Variants in SBF2 observed in about 807,000 individuals in gnomAD.
The protein encoded by SBF2 is myotubularin-related protein 13.
A neutral mutation model predicts 225.2 loss-of-function variants in SBF2; 112 were observed. The ratio of observed to expected loss-of-function variants is 0.50; its 90% CI spans 0.43 to 0.58. SBF2 has a LOEUF of 0.58. Ranked by LOEUF, SBF2 falls within the 20% of genes least tolerant of loss-of-function variation. The pLI, the probability that SBF2 is intolerant of heterozygous loss-of-function variation, is 0.00. For missense variants in SBF2, 1,996 were observed against 2,206.2 expected (o/e 0.90, Z 1.91); for synonymous variants, 763 against 773.3 (o/e 0.99, Z 0.22).
chr11:9,784,152 C>T (rs1205274643), intron 38 of SBF2, among the ~76,000 whole-genome samples, 199 bp downstream of exon 38: 1 of 152,164 alleles, frequency 6.6e-6, no homozygotes, highest in Non-Finnish European at 1.5e-5. Flanking sequence ...GGCCGAGCTA[C>T]TTGGGAAACT....
intron 6 of SBF2, among the ~76,000 whole-genome samples, chr11:10,009,671 T>C (rs1013219609): frequency 2.0e-5 from 3 of 152,250 alleles, no homozygotes; most frequent in East Asian, 3.8e-4. Flanking sequence ...GATGGACATT[T>C]GGGTGGGTTC....
At chr11:10,072,374 C>T (rs1950916959) in intron 2 of SBF2, among the ~76,000 whole-genome samples, 1 of 152,134 alleles carries the variant, frequency 6.6e-6, no homozygotes, top group Non-Finnish European at 1.5e-5. Flanking sequence ...TTCAAAATCT[C>T]TCAGGCCCAA....
At chr11:10,113,552 C>T (rs1952981020) in intron 2 of SBF2, among the ~76,000 whole-genome samples, 1 of 151,850 alleles carries the variant, frequency 6.6e-6, no homozygotes, top group African/African-American at 2.4e-5. Flanking sequence ...TTATTGAGAG[C>T]CTAACACATG....
At chr11:10,046,112 T>C (rs1949849982) in intron 2 of SBF2, among the ~76,000 whole-genome samples, 1 of 152,216 alleles carries the variant, frequency 6.6e-6, no homozygotes, top group African/African-American at 2.4e-5. Context: ...ATGGGTTATA[T>C]GCACATACCA....
intron 1 of SBF2, among the ~76,000 whole-genome samples, chr11:10,225,641 G>C (rs1958510435): frequency 6.6e-6 from 1 of 152,034 alleles, no homozygotes; most frequent in South Asian, 2.1e-4. Context: ...TGGGTTTTTT[G>C]CCTTCATTTA....
At chr11:10,008,565 T>C (rs1223948513) in intron 6 of SBF2, among the ~76,000 whole-genome samples, 1 of 148,564 alleles carries the variant, frequency 6.7e-6, no homozygotes, top group Non-Finnish European at 1.5e-5. Flanking sequence ...CTCCCTCCAA[T>C]TTGCCCTAGG....
chr11:10,229,328 C>G (rs904661949), intron 1 of SBF2, among the ~76,000 whole-genome samples: 1 of 151,442 alleles, frequency 6.6e-6, no homozygotes, highest in Non-Finnish European at 1.5e-5. Context: ...CAGTTCTGCT[C>G]TCTTAGTTAT....
At chr11:10,172,507 G>A (rs565424952) in intron 2 of SBF2, among the ~76,000 whole-genome samples, 70 of 149,792 alleles carry the variant, frequency 4.7e-4, no homozygotes, top group African/African-American at 1.6e-3. Context: ...ACCTGCCACC[G>A]CGCCCGGCTA....
intron 16 of SBF2, among the ~76,000 whole-genome samples, chr11:9,945,198 C>T (rs1040012019): frequency 1.1e-4 from 16 of 152,098 alleles, no homozygotes; most frequent in Admixed American, 2.0e-4. Context: ...TCAAACTATA[C>T]CACAAAACTA....
intron 17 of SBF2, among the ~76,000 whole-genome samples, chr11:9,875,451 A>G (rs1168460409): frequency 6.6e-6 from 1 of 152,184 alleles, no homozygotes; most frequent in Non-Finnish European, 1.5e-5. Context: ...TGTACAGTTT[A>G]AGGCCTACTT....
At chr11:10,038,102 C>G (rs920907913) in intron 3 of SBF2, among the ~76,000 whole-genome samples, 1 of 151,800 alleles carries the variant, frequency 6.6e-6, no homozygotes, top group African/African-American at 2.4e-5. Flanking sequence ...TGGTTTTGTT[C>G]CCATAATTGT....
At chr11:10,004,592 A>AAAC (rs1295576292) in intron 6 of SBF2, among the ~76,000 whole-genome samples, 2 of 149,240 alleles carry the variant, frequency 1.3e-5, no homozygotes, top group East Asian at 1.9e-4. Flanking sequence ...AAAAAAAAAA[A>AAAC]AAACAAACTA....
At chr11:10,186,901 T>C (rs959768423) in intron 2 of SBF2, among the ~76,000 whole-genome samples, 1 of 152,100 alleles carries the variant, frequency 6.6e-6, no homozygotes, top group Non-Finnish European at 1.5e-5. Context: ...AAGACCAAAT[T>C]AATGAGGTCA....
chr11:10,206,333 GA>G (rs111633161), intron 1 of SBF2, among the ~76,000 whole-genome samples: 5,498 of 151,784 alleles, frequency 0.036, 351 homozygotes, highest in African/African-American at 0.13. Flanking sequence ...AAATAACACT[GA>G]AAAGGCTCTG....
intron 13 of SBF2, among the ~76,000 whole-genome samples, chr11:9,973,189 G>A (rs570045538): frequency 3.3e-5 from 5 of 152,290 alleles, no homozygotes; most frequent in African/African-American, 1.2e-4. Context: ...TTAGGGTAGG[G>A]CTCACTGTAT....
intron 30 of SBF2, among the ~76,000 whole-genome samples, chr11:9,810,047 CAGG>C (rs1854091270): frequency 6.6e-6 from 1 of 152,048 alleles, no homozygotes; most frequent in African/African-American, 2.4e-5. Context: ...GAGGTTGAAG[CAGG>C]AGTAGTGCTT....
At chr11:9,931,848 T>C (rs1386961503) in intron 16 of SBF2, among the ~76,000 whole-genome samples, 1 of 152,162 alleles carries the variant, frequency 6.6e-6, no homozygotes, top group Non-Finnish European at 1.5e-5. Context: ...TAAAGGAGCA[T>C]GTTCAAACCC....
chr11:9,903,416 C>G (rs1288261521), intron 16 of SBF2, among the ~76,000 whole-genome samples: 2 of 152,116 alleles, frequency 1.3e-5, no homozygotes, highest in African/African-American at 4.8e-5. Flanking sequence ...ATCTGAGTCT[C>G]ACAGCACCAA....
At chr11:9,795,592 G>A (rs935653429) in intron 33 of SBF2, among the ~76,000 whole-genome samples, 13 of 152,150 alleles carry the variant, frequency 8.5e-5, no homozygotes, top group African/African-American at 2.9e-4. Flanking sequence ...TCACTTTGAG[G>A]TATCAAAATA....
Sources: allele counts gnomAD v4.1 joint callset (sites outside exome capture counted in the v4.1 genomes callset), GRCh38; gene constraint gnomAD v4.1.1; transcripts MANE v1.5; gene names NCBI Gene and HGNC (gene_info 2026-07-23, HGNC 2026-07-21).